CCDC32: variants seen among roughly 807,000 people sequenced by gnomAD.
The protein encoded by CCDC32 is coiled-coil domain containing 32, also known as coiled-coil domain-containing protein 32.
A neutral mutation model predicts 20.1 loss-of-function variants in CCDC32; 9 were observed. The ratio of observed to expected loss-of-function variants is 0.45; its 90% CI spans 0.27 to 0.78. The LOEUF (loss-of-function observed/expected upper bound fraction) is 0.78, where lower values mean the gene tolerates loss of function less well. CCDC32 is among the 30% of genes least tolerant of loss of function. The pLI, the probability that CCDC32 is intolerant of heterozygous loss-of-function variation, is 0.16. For missense variants in CCDC32, 204 were observed against 215.5 expected (o/e 0.95, Z 0.33); for synonymous variants, 63 against 79.0 (o/e 0.80, Z 1.07).
chr15:40,563,084 T>A (rs946316279), intron 1 of CCDC32, 57 bp from the exon 2 acceptor site: 9 of 1,557,552 alleles, frequency 5.8e-6, no homozygotes, highest in Non-Finnish European at 7.8e-6. Flanking sequence ...AGCATAAGGT[T>A]GAGCACAGTG....
intron 2 of CCDC32, among the ~76,000 whole-genome samples, chr15:40,561,724 G>A (rs62019866): frequency 0.3 from 45,980 of 151,546 alleles, 7,179 homozygotes; most frequent in Middle Eastern, 0.39. Flanking sequence ...GGCCAAGCGC[G>A]GTGGCACACG....
the CCDC32 span, among the ~76,000 whole-genome samples, chr15:40,523,223 C>T: frequency 1.3e-5 from 2 of 150,784 alleles, no homozygotes; most frequent in African/African-American, 4.9e-5. Context: ...GGTGGATAAG[C>T]GCTGGGCGCG....
intron 1 of CCDC32, chr15:40,564,641 C>G: frequency 1.5e-6 from 2 of 1,340,516 alleles, no homozygotes; most frequent in Non-Finnish European, 2.1e-6. Flanking sequence ...GCCCAGCCAG[C>G]GTAAAGGCCG....
chr15:40,542,900 A>G (rs6492952), intron 3 of CCDC32, among the ~76,000 whole-genome samples: 134,385 of 151,076 alleles, frequency 0.89, 60,010 homozygotes, highest in Non-Finnish European at 0.93. Flanking sequence ...GCTCATGCCT[A>G]TAATCCCAAC....
chr15:40,561,485 C>A lies in CCDC32; in HGVS notation c.244+1287G>T, dbSNP rs796479800. Among the ~76,000 whole-genome samples the A allele has an allele frequency of 6.7e-3, 972 of 145,744 alleles. 12 individuals carry two copies. The highest frequency in any genetic ancestry group is 0.023 in the African/African-American group (900 of 38,340). On this transcript the variant is annotated intron_variant, in intron 2 of 3. Transcript: ENST00000416810. ...GAGACTCCGTCTCAAAAAAAAAAAA[C>A]AAAACAACAACCAAAAAAAAAACAA...
chr15:40,527,063 G>A (rs564470086), downstream of CCDC32, among the ~76,000 whole-genome samples: 4 of 152,192 alleles, frequency 2.6e-5, no homozygotes, highest in Non-Finnish European at 4.4e-5. Flanking sequence ...TGATCCTCCC[G>A]TCTCAGCCTT....
At chr15:40,525,124 G>A (rs959157989), downstream of CCDC32, among the ~76,000 whole-genome samples, 3 of 151,748 alleles carry the variant, frequency 2.0e-5, no homozygotes, top group Middle Eastern at 3.4e-3. Flanking sequence ...TCTGCCACCC[G>A]GGTTCAAGCA....
chr15:40,544,558 C>T (rs1889535903), intron 3 of CCDC32, among the ~76,000 whole-genome samples: 1 of 152,150 alleles, frequency 6.6e-6, no homozygotes, highest in Non-Finnish European at 1.5e-5. Flanking sequence ...TGTTATCTTT[C>T]CTCTGGACTT....
At chr15:40,527,585 G>T (rs1176023032), downstream of CCDC32, among the ~76,000 whole-genome samples, 1 of 152,210 alleles carries the variant, frequency 6.6e-6, no homozygotes, top group Non-Finnish European at 1.5e-5. Context: ...GTCTTTAAGA[G>T]GTGATTGGAT....
intron 3 of CCDC32, chr15:40,539,366 AAGAC>A (rs1290970662): frequency 1.3e-6 from 2 of 1,533,260 alleles, no homozygotes; most frequent in Admixed American, 2.0e-5. Flanking sequence ...CTATGGGAAT[AAGAC>A]AGACCGACAG....
At chr15:40,528,336 TA>T (rs1168697828), downstream of CCDC32, among the ~76,000 whole-genome samples, 3 of 152,158 alleles carry the variant, frequency 2.0e-5, no homozygotes, top group Admixed American at 2.0e-4. Context: ...AGTTAAGAAG[TA>T]ACAGCCCAGG....
chr15:40,549,143 G>A (rs1027978336), downstream of CCDC32, among the ~76,000 whole-genome samples: 2 of 152,154 alleles, frequency 1.3e-5, no homozygotes, highest in African/African-American at 4.8e-5. Context: ...CCTTCTAGAT[G>A]TAAATCTCAT....
At chr15:40,530,722 C>CT (rs35147425), downstream of CCDC32, among the ~76,000 whole-genome samples, 570 of 139,112 alleles carry the variant, frequency 4.1e-3, 9 homozygotes, top group Non-Finnish European at 5.2e-3. Context: ...TCAGGTATTC[C>CT]TTTTTTTTTT....
intron 3 of CCDC32, among the ~76,000 whole-genome samples, chr15:40,543,547 C>T (rs1224258785): frequency 1.3e-5 from 2 of 152,130 alleles, no homozygotes; most frequent in South Asian, 4.1e-4. Flanking sequence ...CTCTGCCTCC[C>T]AGGTTCAAGA....
intron 3 of CCDC32, among the ~76,000 whole-genome samples, chr15:40,541,998 C>T (rs113931038): frequency 2.3e-4 from 35 of 152,154 alleles, no homozygotes; most frequent in Non-Finnish European, 3.4e-4. Flanking sequence ...CTGGGGAGAC[C>T]AGGGCTGACT....
exon 4 of CCDC32, chr15:40,539,291 G>C (rs1039005081): frequency 1.3e-6 from 2 of 1,535,616 alleles, no homozygotes; most frequent in Non-Finnish European, 8.7e-7. Flanking sequence ...TCAGCACACT[G>C]GTGGCTGTCC....
rs1890857856 is a variant in CCDC32, at chr15:40,564,079, CA to C, written c.-13+896del. On this transcript the variant is annotated intron_variant, in intron 1 of 3. Transcript: ENST00000416810. ...TTGTGATCCGCCCGCCTCGGCCTCCCAAAGTGCTGGGATTACAGGCGTGAGC... is the reference window on the plus strand; with the variant it reads ...TTGTGATCCGCCCGCCTCGGCCTCCCAAGTGCTGGGATTACAGGCGTGAGC... Among the ~76,000 whole-genome samples the C allele has an allele frequency of 2.6e-5, 4 of 152,158 alleles. No homozygotes were observed. In the South Asian group the frequency reaches 8.3e-4, roughly 31 times the overall value.
downstream of CCDC32, among the ~76,000 whole-genome samples, chr15:40,550,177 C>G (rs1302628940): frequency 6.6e-6 from 1 of 152,184 alleles, no homozygotes; most frequent in Non-Finnish European, 1.5e-5. Flanking sequence ...CTGGGTGTAC[C>G]AAGTCATTAC....
At chr15:40,560,386 T>C (rs1238393461) in intron 2 of CCDC32, among the ~76,000 whole-genome samples, 1 of 152,120 alleles carries the variant, frequency 6.6e-6, no homozygotes, top group Non-Finnish European at 1.5e-5. Context: ...CTAATTAAAC[T>C]AAAAACTTCC....
Sources: gnomAD v4.1 joint callset for allele counts (sites outside exome capture counted in the v4.1 genomes callset) on GRCh38, gnomAD v4.1.1 for gene constraint, MANE v1.5 for transcripts, NCBI Gene and HGNC (gene_info 2026-07-23, HGNC 2026-07-21) for gene names.